The following TENM3 variants were observed in gnomAD, a reference collection of about 807,000 sequenced individuals.
TENM3 encodes teneurin transmembrane protein 3.
Under a neutral mutation model 255.1 loss-of-function variants are expected in TENM3, and 63 were observed. That is an observed-to-expected ratio of 0.25 (90% CI 0.20 to 0.30). The LOEUF (loss-of-function observed/expected upper bound fraction) is 0.30. TENM3 is among the 10% of genes least tolerant of loss of function. The pLI, the probability that TENM3 is intolerant of heterozygous loss-of-function variation, is 1.00. For missense variants in TENM3, 2,929 were observed against 3,461.1 expected (o/e 0.85, Z 3.86); for synonymous variants, 1,306 against 1,322.3 (o/e 0.99, Z 0.27).
intron 3 of TENM3, among the ~76,000 whole-genome samples, chr4:182,434,915 G>A (rs1052405070): frequency 6.6e-6 from 1 of 152,158 alleles, no homozygotes; most frequent in Non-Finnish European, 1.5e-5. Flanking sequence ...CCTGGGGTCT[G>A]AGCATATCAC....
intron 3 of TENM3, among the ~76,000 whole-genome samples, chr4:182,471,514 G>A (rs1338051326): frequency 6.6e-6 from 1 of 152,094 alleles, no homozygotes; most frequent in African/African-American, 2.4e-5. Flanking sequence ...ACAATGGTAT[G>A]TATTGGTGTA....
chr4:182,520,185 T>A (rs1174126461), intron 3 of TENM3, among the ~76,000 whole-genome samples: 1 of 152,160 alleles, frequency 6.6e-6, no homozygotes, highest in Non-Finnish European at 1.5e-5. Context: ...TACATGATCT[T>A]GTCTTAGAAA....
chr4:182,788,051 G>A (rs936050196), intron 24 of TENM3, among the ~76,000 whole-genome samples: 1 of 152,120 alleles, frequency 6.6e-6, no homozygotes, highest in African/African-American at 2.4e-5. Flanking sequence ...GTGAGTGGTT[G>A]TGTGTGTGTG....
chr4:182,600,460 A>C (rs2152410583), intron 3 of TENM3, among the ~76,000 whole-genome samples: 1 of 152,314 alleles, frequency 6.6e-6, no homozygotes, highest in East Asian at 1.9e-4. Flanking sequence ...AATTTATTGC[A>C]GTTAAATAAA....
the TENM3 span, among the ~76,000 whole-genome samples, chr4:181,601,244 T>C: frequency 6.6e-6 from 1 of 152,216 alleles, no homozygotes. Flanking sequence ...TTGGCAGGGC[T>C]GTACTCTACT....
the TENM3 span, among the ~76,000 whole-genome samples, chr4:181,670,704 A>G: frequency 3.9e-5 from 6 of 152,320 alleles, no homozygotes; most frequent in Middle Eastern, 3.4e-3. Flanking sequence ...CAATGAAGGT[A>G]CAGTCTTCAC....
intron 22 of TENM3, among the ~76,000 whole-genome samples, chr4:182,757,011 T>A (rs1378663666): frequency 6.6e-6 from 1 of 152,148 alleles, no homozygotes; most frequent in Non-Finnish European, 1.5e-5. Flanking sequence ...AGAGCTGCTC[T>A]GATTCTAAGA....
intron 22 of TENM3, among the ~76,000 whole-genome samples, chr4:182,756,242 A>G (rs1205485285): frequency 2.0e-5 from 3 of 152,226 alleles, no homozygotes; most frequent in African/African-American, 4.8e-5. Context: ...CCTTACAACT[A>G]AATGCAAGTC....
the TENM3 span, among the ~76,000 whole-genome samples, chr4:181,804,072 A>AACC: frequency 1.5e-5 from 1 of 68,830 alleles, no homozygotes; most frequent in African/African-American, 4.7e-5. Flanking sequence ...AAGAGAAAGG[A>AACC]AAGAAAGAAA....
At chr4:182,313,253 G>T (rs1299230577) in intron 1 of TENM3, among the ~76,000 whole-genome samples, 2 of 151,630 alleles carry the variant, frequency 1.3e-5, no homozygotes, top group South Asian at 4.2e-4. Flanking sequence ...AAATCTTTCA[G>T]TATTCACAGT....
intron 5 of TENM3, among the ~76,000 whole-genome samples, chr4:182,632,927 C>G (rs1036148464): frequency 6.6e-6 from 1 of 151,626 alleles, no homozygotes; most frequent in African/African-American, 2.4e-5. Flanking sequence ...TTTTATTTAT[C>G]TTTTATATTT....
chr4:181,839,731 G>C, the TENM3 span, among the ~76,000 whole-genome samples: 13 of 151,518 alleles, frequency 8.6e-5, no homozygotes, highest in Admixed American at 8.6e-4. Flanking sequence ...TTGGTCTGTT[G>C]TTTCTGATGA....
intron 1 of TENM3, among the ~76,000 whole-genome samples, chr4:182,288,084 T>A (rs553544018): frequency 6.6e-6 from 1 of 152,080 alleles, no homozygotes; most frequent in African/African-American, 2.4e-5. Flanking sequence ...ATTACAGGCG[T>A]GCACCACCAC....
the TENM3 span, among the ~76,000 whole-genome samples, chr4:181,932,356 A>T: frequency 6.6e-6 from 1 of 152,246 alleles, no homozygotes; most frequent in Non-Finnish European, 1.5e-5. Context: ...TGGACAAAGA[A>T]TATGAACAAC....
chr4:181,705,122 G>A, the TENM3 span, among the ~76,000 whole-genome samples: 1 of 151,848 alleles, frequency 6.6e-6, no homozygotes, highest in African/African-American at 2.4e-5. Context: ...GTAGAGGGAT[G>A]GGGAATGGTC....
At chr4:181,756,895 A>G in the TENM3 span, among the ~76,000 whole-genome samples, 2 of 152,184 alleles carry the variant, frequency 1.3e-5, no homozygotes, top group East Asian at 3.9e-4. Context: ...AGTACTAGCT[A>G]ATCCTCCTAT....
At chr4:182,059,709 G>C in the TENM3 span, among the ~76,000 whole-genome samples, 3 of 117,108 alleles carry the variant, frequency 2.6e-5, no homozygotes, top group Admixed American at 1.3e-4. Context: ...AGGAGTTCAA[G>C]ACCAGCCTAG....
the TENM3 span, among the ~76,000 whole-genome samples, chr4:181,725,614 A>AT: frequency 2.6e-4 from 39 of 149,362 alleles, 1 homozygote; most frequent in Non-Finnish European, 8.9e-5. Flanking sequence ...ATTTTTTTGT[A>AT]TTTTTTTTTA....
intron 3 of TENM3, among the ~76,000 whole-genome samples, chr4:182,518,365 A>G (rs1003654927): frequency 2.0e-5 from 3 of 152,104 alleles, no homozygotes; most frequent in Non-Finnish European, 4.4e-5. Flanking sequence ...ATCTTATGTT[A>G]TATGGGAAAG....
Sources: gnomAD v4.1 joint callset for allele counts (sites outside exome capture counted in the v4.1 genomes callset) on GRCh38, gnomAD v4.1.1 for gene constraint, MANE v1.5 for transcripts, NCBI Gene and HGNC (gene_info 2026-07-23, HGNC 2026-07-21) for gene names.